SLC25A21: variants seen among roughly 807,000 people sequenced by gnomAD.
SLC25A21 encodes solute carrier family 25 member 21.
A neutral mutation model predicts 43.8 loss-of-function variants in SLC25A21; 47 were observed. That is an observed-to-expected ratio of 1.07 (90% CI 0.85 to 1.37). SLC25A21 has a LOEUF of 1.37. Among genes scored for constraint, SLC25A21 ranks in the 40% most tolerant of loss-of-function variants. The pLI is 0.00. For synonymous variants in SLC25A21, 131 were observed against 121.3 expected (o/e 1.08, Z -0.52); for missense variants, 352 against 350.2 (o/e 1.00, Z -0.04).
At chr14:36,810,060 C>T (rs977264763) in intron 3 of SLC25A21, among the ~76,000 whole-genome samples, 1 of 151,980 alleles carries the variant, frequency 6.6e-6, no homozygotes, top group Non-Finnish European at 1.5e-5. Context: ...TGCTCTTGCT[C>T]TGTATAAAAA....
At chr14:36,948,501 T>A (rs1442955845) in intron 1 of SLC25A21, among the ~76,000 whole-genome samples, 1 of 152,158 alleles carries the variant, frequency 6.6e-6, no homozygotes, top group Non-Finnish European at 1.5e-5. Context: ...AATCATTGAA[T>A]AAGACCCTGC....
At chr14:36,681,917 G>A (rs1882284091) in intron 9 of SLC25A21, among the ~76,000 whole-genome samples, 1 of 152,152 alleles carries the variant, frequency 6.6e-6, no homozygotes, top group South Asian at 2.1e-4. Flanking sequence ...TTAATGTGTA[G>A]GTAATCGCTG....
At chr14:36,685,916 C>A (rs916234010) in intron 7 of SLC25A21, among the ~76,000 whole-genome samples, 2 of 152,128 alleles carry the variant, frequency 1.3e-5, no homozygotes, top group African/African-American at 4.8e-5. Flanking sequence ...ATATCACATA[C>A]TATAAGCTGC....
At chr14:37,090,147 T>C (rs1031195413) in intron 1 of SLC25A21, among the ~76,000 whole-genome samples, 3 of 152,192 alleles carry the variant, frequency 2.0e-5, no homozygotes, top group Non-Finnish European at 2.9e-5. Flanking sequence ...AAATTATTCT[T>C]ACATGAAAAG....
At chr14:36,995,580 C>G (rs920856954) in intron 1 of SLC25A21, among the ~76,000 whole-genome samples, 1 of 152,142 alleles carries the variant, frequency 6.6e-6, no homozygotes, top group Non-Finnish European at 1.5e-5. Context: ...CAAAGCCCAC[C>G]TACGATGGGA....
chr14:36,948,321 T>C (rs1892723953), intron 1 of SLC25A21, among the ~76,000 whole-genome samples: 1 of 152,194 alleles, frequency 6.6e-6, no homozygotes, highest in Admixed American at 6.5e-5. Context: ...TTTATTTACT[T>C]TCCTTAGATA....
At chr14:36,759,760 G>A (rs1886070827) in intron 3 of SLC25A21, 2 of 152,228 alleles carry the variant, frequency 1.3e-5, no homozygotes. Flanking sequence ...ACGAGGTCAG[G>A]AGATTGAGAT....
chr14:36,772,570 A>G (rs935990230), intron 3 of SLC25A21, among the ~76,000 whole-genome samples: 4 of 152,186 alleles, frequency 2.6e-5, no homozygotes, highest in Non-Finnish European at 2.9e-5. Flanking sequence ...GCAGAGAACA[A>G]AAAAAATCTG....
At chr14:36,764,143 G>A (rs10134738) in intron 3 of SLC25A21, among the ~76,000 whole-genome samples, 716 of 33,654 alleles carry the variant, frequency 0.021, 25 homozygotes, top group Non-Finnish European at 0.023. Flanking sequence ...AAGGAAAGAA[G>A]GAAAGAAAGA....
intron 3 of SLC25A21, among the ~76,000 whole-genome samples, chr14:36,748,855 C>T (rs2139255145): frequency 1.3e-5 from 2 of 152,332 alleles, no homozygotes; most frequent in Non-Finnish European, 2.9e-5. Flanking sequence ...ACTCCAGATT[C>T]TCCCTCCACA....
chr14:37,037,218 C>T (rs1266817306), intron 1 of SLC25A21, among the ~76,000 whole-genome samples: 2 of 152,150 alleles, frequency 1.3e-5, no homozygotes, highest in East Asian at 3.9e-4. Flanking sequence ...TACTCTTTAG[C>T]CTGGCAAACA....
At chr14:36,924,856 A>G (rs1892086459) in intron 1 of SLC25A21, among the ~76,000 whole-genome samples, 1 of 152,124 alleles carries the variant, frequency 6.6e-6, no homozygotes, top group Non-Finnish European at 1.5e-5. Context: ...GAGGAAGTGT[A>G]TAGGTTATAT....
intron 1 of SLC25A21, among the ~76,000 whole-genome samples, chr14:36,906,574 C>T (rs1050205724): frequency 1.3e-5 from 2 of 151,504 alleles, no homozygotes; most frequent in Middle Eastern, 3.4e-3. Flanking sequence ...GGCATGATCT[C>T]GGCTCACTAC....
At chr14:36,983,679 T>G (rs1960079889) in intron 1 of SLC25A21, among the ~76,000 whole-genome samples, 1 of 152,304 alleles carries the variant, frequency 6.6e-6, no homozygotes, top group South Asian at 2.1e-4. Flanking sequence ...AAAAATCACC[T>G]GCACTCGAAT....
intron 1 of SLC25A21, among the ~76,000 whole-genome samples, chr14:36,947,427 G>T (rs1330154571): frequency 1.3e-5 from 2 of 152,140 alleles, no homozygotes; most frequent in African/African-American, 4.8e-5. Context: ...AAGAAGACTG[G>T]CCTCAAAGAT....
Position 37,169,328 on chromosome 14 carries a change from T to C in SLC25A21, c.70+2953A>G, listed in dbSNP as rs555673150. 7.2e-5 allele frequency among the ~76,000 whole-genome samples: 11 copies of C among 152,242 alleles called. No individual in the cohort carries two copies. In the South Asian group the frequency reaches 2.1e-3, roughly 29 times the overall value. On this transcript the variant is annotated intron_variant, in intron 1 of 9. Coordinates refer to ENST00000331299, the MANE Select transcript of SLC25A21 (RefSeq NM_030631.4). The stretch of plus-strand genomic sequence containing the variant: ...CCGAAAGGTGTAGTAGTAATACTTG[T>C]GGCCCTATTATTACCTGCCTCCCTG...
intron 1 of SLC25A21, among the ~76,000 whole-genome samples, chr14:37,050,418 G>T (rs1028145249): frequency 5.3e-4 from 80 of 152,276 alleles, no homozygotes; most frequent in African/African-American, 1.7e-3. Flanking sequence ...AATTATCTGG[G>T]GATGCAGCAC....
intron 1 of SLC25A21, among the ~76,000 whole-genome samples, chr14:37,119,322 G>C (rs1422958109): frequency 6.6e-6 from 1 of 152,178 alleles, no homozygotes; most frequent in Non-Finnish European, 1.5e-5. Flanking sequence ...GCTGAGGCAG[G>C]TGGATCACTT....
At position 37,102,438 on chromosome 14, in the gene SLC25A21, C is replaced by CA. The variant is rs201756864; in HGVS notation, c.70+69842dup. 9.2e-3 allele frequency among the ~76,000 whole-genome samples: 1,142 copies of CA among 123,904 alleles called. 12 individuals are homozygous for CA. Among genetic ancestry groups the CA allele is most frequent in the African/African-American group, 0.027 (902 of 33,884 alleles). The allele number at this position is 123,904 out of a possible 152,430, so 81.3% of individuals were successfully genotyped here. On this transcript the variant is annotated intron_variant, in intron 1 of 9. Coordinates refer to ENST00000331299, the MANE Select transcript of SLC25A21 (RefSeq NM_030631.4). Reference sequence around the variant, plus strand: ...AGCCTGGGCAACAGAGACCTTGTCTCAAAAAAAAAAAAAAAGTAACAAATG... The same window carrying CA: ...AGCCTGGGCAACAGAGACCTTGTCTCAAAAAAAAAAAAAAAAGTAACAAATG...
Sources: gnomAD v4.1 joint callset for allele counts (sites outside exome capture counted in the v4.1 genomes callset) on GRCh38, gnomAD v4.1.1 for gene constraint, MANE v1.5 for transcripts, NCBI Gene and HGNC (gene_info 2026-07-23, HGNC 2026-07-21) for gene names.